The following HS6ST3 variants were observed in gnomAD, a reference collection of about 807,000 sequenced individuals.
HS6ST3 encodes the protein heparan-sulfate 6-O-sulfotransferase 3.
Under a neutral mutation model 36.7 loss-of-function variants are expected in HS6ST3, and 12 were observed. The observed-to-expected ratio is 0.33, with a 90% CI of 0.21 to 0.53. HS6ST3 has a LOEUF of 0.53. Ranked by LOEUF, HS6ST3 falls within the 20% of genes least tolerant of loss-of-function variation. HS6ST3 has a pLI of 0.95. For missense variants in HS6ST3, 584 were observed against 640.9 expected (o/e 0.91, Z 0.96); for synonymous variants, 240 against 257.5 (o/e 0.93, Z 0.65).
Position 96,806,085 on chromosome 13 carries a change from G to T in HS6ST3, c.708-26405G>T, listed in dbSNP as rs573776747. Among the ~76,000 whole-genome samples the T allele has an allele frequency of 2.6e-5, 4 of 152,254 alleles. No homozygotes were observed. The South Asian group carries it at 8.3e-4, about 32-fold the overall frequency. On this transcript the variant is annotated intron_variant, in intron 1 of 1. Transcript: ENST00000376705. ...CCTAACAAATCCTGGAATTGCAGGTGTCAATATCACTTGTCAAGTATAGCA... is the reference window on the plus strand; with the variant it reads ...CCTAACAAATCCTGGAATTGCAGGTTTCAATATCACTTGTCAAGTATAGCA...
chr13:96,126,154 C>A (rs2053950058), intron 1 of HS6ST3, among the ~76,000 whole-genome samples: 1 of 152,116 alleles, frequency 6.6e-6, no homozygotes, highest in Non-Finnish European at 1.5e-5. Context: ...TCATATAGAC[C>A]ATTAATCCCT....
chr13:96,685,582 G>A (rs762223473), intron 1 of HS6ST3, among the ~76,000 whole-genome samples: 6 of 151,988 alleles, frequency 3.9e-5, no homozygotes, highest in African/African-American at 9.7e-5. Flanking sequence ...TATATTGACC[G>A]TGCACACATC....
chr13:96,709,104 T>G (rs561319954), intron 1 of HS6ST3, among the ~76,000 whole-genome samples: 1 of 152,156 alleles, frequency 6.6e-6, no homozygotes, highest in East Asian at 1.9e-4. Context: ...CGCTGTCTTG[T>G]GATAGTGAGT....
chr13:96,623,060 T>C (rs141711130), intron 1 of HS6ST3, among the ~76,000 whole-genome samples: 245 of 152,330 alleles, frequency 1.6e-3, no homozygotes, highest in African/African-American at 5.8e-3. Context: ...TAGGATCTAT[T>C]ATTTTTTATT....
At chr13:96,746,752 C>G (rs1876571444) in intron 1 of HS6ST3, among the ~76,000 whole-genome samples, 1 of 152,020 alleles carries the variant, frequency 6.6e-6, no homozygotes, top group South Asian at 2.1e-4. Context: ...TCCCCTGGAA[C>G]TCTAATCTAA....
chr13:96,166,384 A>G (rs1426044705), intron 1 of HS6ST3, among the ~76,000 whole-genome samples: 3 of 152,152 alleles, frequency 2.0e-5, no homozygotes, highest in Admixed American at 1.3e-4. Context: ...CTGAGTGTTC[A>G]GCTACCAAAA....
intron 1 of HS6ST3, among the ~76,000 whole-genome samples, chr13:96,812,304 T>C (rs1055157676): frequency 5.9e-5 from 9 of 152,316 alleles, no homozygotes; most frequent in African/African-American, 2.2e-4. Context: ...GGTCCAATAT[T>C]TCCCCATATG....
Position 96,260,263 on chromosome 13 carries a change from C to T in HS6ST3, c.707+168694C>T, listed in dbSNP as rs11842403. Among the ~76,000 whole-genome samples the T allele has an allele frequency of 3.7e-5, 4 of 108,054 alleles. No homozygotes were observed. In the Admixed American group the frequency reaches 4.4e-4, roughly 12 times the overall value. The allele number at this position is 108,054 out of a possible 152,430, so 70.9% of individuals were successfully genotyped here. A position where few individuals can be genotyped will look rare whatever the true frequency, so the allele number is the denominator to read the frequency against. On this transcript the variant is annotated intron_variant, in intron 1 of 1. Coordinates refer to ENST00000376705, the MANE Select transcript of HS6ST3 (RefSeq NM_153456.4). ...CCTTCCTTCCTTCCTTCCTTCCTTCCTTCCTTTCTTCTTTCCTCCCTCCCT... is the reference window on the plus strand; with the variant it reads ...CCTTCCTTCCTTCCTTCCTTCCTTCTTTCCTTTCTTCTTTCCTCCCTCCCT...
chr13:96,322,254 G>A lies in HS6ST3; in HGVS notation c.707+230685G>A, dbSNP rs529050566. On this transcript the variant is annotated intron_variant, in intron 1 of 1. Transcript: ENST00000376705. ...TTATCCATATCTACATTTTAAAAACGCTACTTCTGGCTGGATGCTGTGGCT... is the reference window on the plus strand; with the variant it reads ...TTATCCATATCTACATTTTAAAAACACTACTTCTGGCTGGATGCTGTGGCT... 2.6e-5 allele frequency among the ~76,000 whole-genome samples: 4 copies of A among 151,932 alleles called. No individual in the cohort carries two copies. The South Asian group carries it at 6.2e-4, about 24-fold the overall frequency.
At chr13:96,297,422 C>G (rs546864141) in intron 1 of HS6ST3, among the ~76,000 whole-genome samples, 3 of 152,100 alleles carry the variant, frequency 2.0e-5, no homozygotes, top group Non-Finnish European at 4.4e-5. Flanking sequence ...AGTAATTAAA[C>G]CAAAGCGGAA....
intron 1 of HS6ST3, among the ~76,000 whole-genome samples, chr13:96,108,865 G>T (rs566265670): frequency 2.0e-5 from 3 of 152,246 alleles, no homozygotes; most frequent in East Asian, 3.9e-4. Flanking sequence ...TCATCCTTCA[G>T]TATCCCATCA....
chr13:96,514,429 C>T (rs1483808915), intron 1 of HS6ST3, among the ~76,000 whole-genome samples: 1 of 152,086 alleles, frequency 6.6e-6, no homozygotes, highest in Non-Finnish European at 1.5e-5. Flanking sequence ...TGAATTGTGT[C>T]CCCACTCCCT....
At chr13:96,630,802 A>T (rs1233864092) in intron 1 of HS6ST3, among the ~76,000 whole-genome samples, 1 of 152,098 alleles carries the variant, frequency 6.6e-6, no homozygotes, top group African/African-American at 2.4e-5. Context: ...ATTGCTTTTA[A>T]AACATATCTG....
At chr13:96,166,004 A>G (rs1266760337) in intron 1 of HS6ST3, among the ~76,000 whole-genome samples, 1 of 151,614 alleles carries the variant, frequency 6.6e-6, no homozygotes, top group African/African-American at 2.4e-5. Context: ...GAAACAAAGG[A>G]TGGAAGGGTG....
At chr13:96,376,017 G>A (rs569314876) in intron 1 of HS6ST3, among the ~76,000 whole-genome samples, 10 of 152,150 alleles carry the variant, frequency 6.6e-5, no homozygotes, top group African/African-American at 2.4e-4. Flanking sequence ...TTTGAGATTT[G>A]CAAGTCAAGC....
Position 96,098,104 on chromosome 13 carries a change from ATTGGACTTG to A in HS6ST3, c.707+6543_707+6551del, listed in dbSNP as rs1471590212. Among the ~76,000 whole-genome samples the A allele has an allele frequency of 2.6e-5, 4 of 152,308 alleles. No homozygotes were observed. In the East Asian group the frequency reaches 7.7e-4, roughly 29 times the overall value. On this transcript the variant is annotated intron_variant, in intron 1 of 1. Transcript: ENST00000376705. Reference sequence around the variant, plus strand: ...TTGGACTTATTGGATTATTGGACTTATTGGACTTGTTGGACTATTGAGGAGGTTTCTCCT... The same window carrying A: ...TTGGACTTATTGGATTATTGGACTTATTGGACTATTGAGGAGGTTTCTCCT...
At chr13:96,673,868 A>C (rs908260696) in intron 1 of HS6ST3, among the ~76,000 whole-genome samples, 1 of 152,066 alleles carries the variant, frequency 6.6e-6, no homozygotes, top group Non-Finnish European at 1.5e-5. Context: ...TTAGATTTTG[A>C]ACTTTCTGTA....
At chr13:96,225,691 G>GT (rs2054477143) in intron 1 of HS6ST3, among the ~76,000 whole-genome samples, 1 of 151,950 alleles carries the variant, frequency 6.6e-6, no homozygotes, top group African/African-American at 2.4e-5. Flanking sequence ...TGGATTCTGG[G>GT]TTTTTTATTC....
chr13:96,376,940 A>G (rs1329359721), intron 1 of HS6ST3, among the ~76,000 whole-genome samples: 2 of 151,508 alleles, frequency 1.3e-5, no homozygotes, highest in East Asian at 1.9e-4. Flanking sequence ...ACATAGCAAG[A>G]CCTCTATCTC....
Sources: gnomAD v4.1 joint callset for allele counts (sites outside exome capture counted in the v4.1 genomes callset) on GRCh38, gnomAD v4.1.1 for gene constraint, MANE v1.5 for transcripts, NCBI Gene and HGNC (gene_info 2026-07-23, HGNC 2026-07-21) for gene names.